The following FBXO30 variants were observed in gnomAD, a reference collection of about 807,000 sequenced individuals.
FBXO30 encodes the protein F-box only protein 30.
In FBXO30, 21 loss-of-function variants were observed where a neutral mutation model predicts 58.1. The ratio of observed to expected loss-of-function variants is 0.36; its 90% CI spans 0.26 to 0.52. FBXO30 has a LOEUF of 0.52. Among genes scored for constraint, FBXO30 ranks in the 20% least tolerant of loss-of-function variants. The probability of loss-of-function intolerance (pLI) is 0.93; values close to 1 mark genes in which losing one functional copy is unlikely to be tolerated. For missense variants in FBXO30, 744 were observed against 897.3 expected, an observed-to-expected ratio of 0.83 and a Z score of 2.18; for synonymous variants, 309 against 312.4, an observed-to-expected ratio of 0.99 and a Z score of 0.11.
chr6:145,804,316 CAGT>C, intron 2 of FBXO30, 53 bp downstream of exon 2: 1 of 1,381,918 alleles, frequency 7.2e-7, no homozygotes, highest in Non-Finnish European at 9.9e-7. Context: ...ATTAATTCAG[CAGT>C]ATTATTAAAG....
In FBXO30 at chr6:145,793,689, T is replaced by A. The variant is rs894242191; in HGVS notation, c.*6417A>T. The A allele has an allele frequency of 6.6e-6, 1 of 151,984 alleles. No homozygotes were observed. Among genetic ancestry groups the A allele is most frequent in the African/African-American group, 2.4e-5 (1 of 41,424 alleles). 9.4% of individuals were successfully genotyped at this position (151,984 alleles called of 1,614,324 possible). A position where few individuals can be genotyped will look rare whatever the true frequency, so the allele number is the denominator to read the frequency against. On this transcript the variant is annotated 3_prime_UTR_variant, in exon 3 of 3. Coordinates refer to ENST00000237281, the MANE Select transcript of FBXO30 (RefSeq NM_032145.5). ...TGTGCCACAAGGAATCATAATAAAT[T>A]TCAAAAGATAAAAAATAAACATTGA... is the stretch of plus-strand genomic sequence containing the variant.
rs1562245144 is a variant in FBXO30 at position 145,805,434 on chromosome 6, A to G, written c.972T>C (p.Thr324=). 6.2e-7 allele frequency: 1 copy of G among 1,613,832 alleles called. No homozygotes were observed. The highest frequency in any genetic ancestry group is 8.5e-7 in the Non-Finnish European group (1 of 1,179,866). The change falls in exon 2 of 3, where the codon ACT becomes ACC. Residue 324 remains threonine, a synonymous_variant. Transcript: ENST00000237281. ...CCGCAAGTGAGCTGGAAGGTTTTGA[A>G]GTGCCATCTGATGATGCCACACAGT... is the stretch of plus-strand genomic sequence containing the variant. The part of the protein sequence containing the change: ...NGDCVASSDG[T]SKPSSSLAVA...
At position 145,799,985 on chromosome 6, in the gene FBXO30, TTATA is replaced by T. The variant is rs561066504; in HGVS notation, c.*117_*120del. The T allele has an allele frequency of 4.0e-6, 3 of 750,908 alleles. No homozygotes were observed. The highest frequency in any genetic ancestry group is 6.4e-6 in the Non-Finnish European group (3 of 471,260). 46.5% of individuals were successfully genotyped at this position (750,908 alleles called of 1,614,324 possible). ...TAAAAATAGATGTCACTTCAAAACA[TTATA>T]TACACAGTGACAATAAATTTAGCTA... On this transcript the variant is annotated 3_prime_UTR_variant, in exon 3 of 3. Coordinates refer to ENST00000237281, the MANE Select transcript of FBXO30 (RefSeq NM_032145.5).
intron 2 of FBXO30, among the ~76,000 whole-genome samples, chr6:145,802,247 C>A (rs562833063): frequency 6.6e-6 from 1 of 152,180 alleles, no homozygotes; most frequent in East Asian, 1.9e-4. Context: ...GGAGGTAAAA[C>A]CTGAAGAGTA....
At chr6:145,808,591 A>G (rs1458919921) in intron 1 of FBXO30, among the ~76,000 whole-genome samples, 1 of 152,072 alleles carries the variant, frequency 6.6e-6, no homozygotes, top group South Asian at 2.1e-4. Flanking sequence ...AAAAGTTTCA[A>G]TTACCATACA....
chr6:145,808,571 C>A (rs183383571), intron 1 of FBXO30, among the ~76,000 whole-genome samples: 10 of 152,266 alleles, frequency 6.6e-5, no homozygotes, highest in African/African-American at 1.9e-4. Context: ...TGGGTGCTCT[C>A]ATTTTCTCCA....
chr6:145,805,124 C>T lies in FBXO30; in HGVS notation c.1282G>A (p.Ala428Thr). 6.2e-7 allele frequency: 1 copy of T among 1,614,106 alleles called. No homozygotes were observed. The highest frequency in any genetic ancestry group is 8.5e-7 in the Non-Finnish European group (1 of 1,179,956). The change falls in exon 2 of 3, where the codon GCA (alanine) becomes ACA (threonine). Residue 428 changes from alanine (A) to threonine (T), a missense_variant. Physicochemically the swap from Ala to Thr is moderately conservative, Grantham distance 58 (BLOSUM62 0). Coordinates refer to ENST00000237281, the MANE Select transcript of FBXO30 (RefSeq NM_032145.5). ...MGLQGIDLITAALLFCLGDSP... is the reference protein window; with the variant it reads ...MGLQGIDLITTALLFCLGDSP... ...TCTCCTAGACAAAAAAGCAATGCTGCTGTGATCAGATCTATTCCTTGGAGG... is the reference window on the plus strand; with the variant it reads ...TCTCCTAGACAAAAAAGCAATGCTGTTGTGATCAGATCTATTCCTTGGAGG...
Position 145,798,184 on chromosome 6 carries a change from T to C in FBXO30, c.*1922A>G, listed in dbSNP as rs1446545822. On this transcript the variant is annotated 3_prime_UTR_variant, in exon 3 of 3. Transcript: ENST00000237281. The stretch of plus-strand genomic sequence containing the variant: ...TATTTAAATGAACGTTTTTAAGTTA[T>C]TGAGCCATGTTAAGGGAAAACATTA... 3 of 152,064 alleles carry C rather than the reference T, an allele frequency of 2.0e-5. No homozygotes were observed. The highest frequency in any genetic ancestry group is 7.2e-5 in the African/African-American group (3 of 41,432). 9.4% of individuals were successfully genotyped at this position (152,064 alleles called of 1,614,324 possible).
rs1777945864 is a variant in FBXO30, at chr6:145,799,966, T to C, written c.*140A>G. On this transcript the variant is annotated 3_prime_UTR_variant, in exon 3 of 3. Coordinates refer to ENST00000237281, the MANE Select transcript of FBXO30 (RefSeq NM_032145.5). The stretch of plus-strand genomic sequence containing the variant: ...CCAACTAAACAGTACTTTATAAAAA[T>C]AGATGTCACTTCAAAACATTATATA... 6 of 658,196 alleles carry C rather than the reference T, an allele frequency of 9.1e-6. No individual in the cohort carries two copies. In the East Asian group the frequency reaches 1.8e-4, roughly 19 times the overall value. 40.8% of individuals were successfully genotyped at this position (658,196 alleles called of 1,614,324 possible). A position where few individuals can be genotyped will look rare whatever the true frequency, so the allele number is the denominator to read the frequency against.
At chr6:145,814,353 C>A (rs1407336483) in intron 1 of FBXO30, among the ~76,000 whole-genome samples, 1 of 152,192 alleles carries the variant, frequency 6.6e-6, no homozygotes, top group East Asian at 1.9e-4. Flanking sequence ...CAACGGCTGG[C>A]CCGGCATGCG....
In FBXO30 at chr6:145,801,333, G is replaced by A. The variant is rs534940860; in HGVS notation, c.2035-1024C>T. Among the ~76,000 whole-genome samples, 24 of 152,172 alleles carry A rather than the reference G, an allele frequency of 1.6e-4. 1 individual carries two copies. Among genetic ancestry groups the A allele is most frequent in the Non-Finnish European group, 2.4e-4 (16 of 67,988 alleles). Reference sequence around the variant, plus strand: ...CCGTAGGCAGCATGTGGCCCAGGACGGCTCTGAATGCAGTCCAACACAAAT... The same window carrying A: ...CCGTAGGCAGCATGTGGCCCAGGACAGCTCTGAATGCAGTCCAACACAAAT... On this transcript the variant is annotated intron_variant, in intron 2 of 2. Coordinates refer to ENST00000237281, the MANE Select transcript of FBXO30 (RefSeq NM_032145.5).
Position 145,806,364 on chromosome 6 carries a change from G to A in FBXO30, c.42C>T (p.Val14=). ...ELQHSHCVNC[V]SRRCMTRPEP... The stretch of plus-strand genomic sequence containing the variant: ...CTGGCCTGGTCATGCACCGTCTACT[G>A]ACACAATTCACACAATGGGAATGCT... Residue 14 remains valine (V), a synonymous_variant, in exon 2 of 3, where the codon GTC becomes GTT. Coordinates refer to ENST00000237281, the MANE Select transcript of FBXO30 (RefSeq NM_032145.5). The A allele has an allele frequency of 6.2e-7, 1 of 1,613,772 alleles. No homozygotes were observed. Among genetic ancestry groups the A allele is most frequent in the Non-Finnish European group, 8.5e-7 (1 of 1,179,928 alleles).
rs1415463670 is a variant in FBXO30, at chr6:145,800,255, T to G, written c.2089A>C (p.Ile697Leu). The change falls in exon 3 of 3, where the codon ATC (isoleucine) becomes CTC (leucine). Residue 697 changes from isoleucine to leucine, a missense_variant. Physicochemically the swap from Ile to Leu is conservative, Grantham distance 5. Transcript: ENST00000237281. ...TTCAAGTGGTCTGCCATGCTTAGGA[T>G]GTCAGCAAATTTCCATTCATTAACA... ...CSVNEWKFAD[I>L]LSMADHLKKC... 1 of 1,613,006 alleles carries G rather than the reference T, an allele frequency of 6.2e-7. No homozygotes were observed. Among genetic ancestry groups the G allele is most frequent in the East Asian group, 2.2e-5 (1 of 44,834 alleles).
chr6:145,803,221 G>C (rs892236517), intron 2 of FBXO30, among the ~76,000 whole-genome samples: 9 of 151,970 alleles, frequency 5.9e-5, no homozygotes, highest in African/African-American at 2.2e-4. Context: ...GATAAAAAGA[G>C]GCCATACTAA....
intron 1 of FBXO30, 80 bp from the exon 2 acceptor site, chr6:145,806,501 T>A: frequency 1.0e-6 from 1 of 984,950 alleles, no homozygotes; most frequent in Non-Finnish European, 1.5e-6. Context: ...ATTAAATCAC[T>A]AATTTATCTA....
chr6:145,796,089 A>G lies in FBXO30; in HGVS notation c.*4017T>C, dbSNP rs900939777. ...GTGAAAAAGTGATCTATGTAAGGAC[A>G]TAATTCTCTCTCAAATATCCCAGTA... is the stretch of plus-strand genomic sequence containing the variant. On this transcript the variant is annotated 3_prime_UTR_variant, in exon 3 of 3. Transcript: ENST00000237281. 19 of 151,988 alleles carry G rather than the reference A, an allele frequency of 1.3e-4. No homozygotes were observed. Among genetic ancestry groups the G allele is most frequent in the Non-Finnish European group, 2.1e-4 (14 of 67,892 alleles). 9.4% of individuals were successfully genotyped at this position (151,988 alleles called of 1,614,324 possible). A position where few individuals can be genotyped will look rare whatever the true frequency, so the allele number is the denominator to read the frequency against.
At position 145,793,506 on chromosome 6, in the gene FBXO30, C is replaced by T. The variant is rs368627618; in HGVS notation, c.*6600G>A. On this transcript the variant is annotated 3_prime_UTR_variant, in exon 3 of 3. Transcript: ENST00000237281. ...CAATACAAAAGCATAAAAATGTACA[C>T]ATCAGTACAATTTATTTAGTCTTAC... 1 of 152,072 alleles carries T rather than the reference C, an allele frequency of 6.6e-6. No individual in the cohort carries two copies. Among genetic ancestry groups the T allele is most frequent in the Non-Finnish European group, 1.5e-5 (1 of 67,924 alleles). The allele number at this position is 152,072 out of a possible 1,614,324, so 9.4% of individuals were successfully genotyped here.
At position 145,805,721 on chromosome 6, in the gene FBXO30, C is replaced by G; in HGVS notation, c.685G>C (p.Glu229Gln). ...DEQQNARESL[E>Q]DQNLKDQDHL... Reference sequence around the variant, plus strand: ...TCTTGGTCTTTCAAGTTTTGATCCTCTAAGCTTTCTCTCGCATTTTGCTGT... The same window carrying G: ...TCTTGGTCTTTCAAGTTTTGATCCTGTAAGCTTTCTCTCGCATTTTGCTGT... The change falls in exon 2 of 3, where the codon GAG (glutamate) becomes CAG (glutamine). Residue 229 changes from glutamate (E) to glutamine (Q), a missense_variant. Glu to Gln is a conservative substitution (Grantham distance 29, BLOSUM62 2). This residue lies in a region of FBXO30 where 275 missense variants were observed against 262.0 expected (regional missense o/e 1.05). Coordinates refer to ENST00000237281, the MANE Select transcript of FBXO30 (RefSeq NM_032145.5). 1 of 1,614,068 alleles carries G rather than the reference C, an allele frequency of 6.2e-7. No individual in the cohort carries two copies. The highest frequency in any genetic ancestry group is 1.1e-5 in the South Asian group (1 of 91,078).
At chr6:145,811,332 C>T (rs1174246694) in intron 1 of FBXO30, among the ~76,000 whole-genome samples, 1 of 151,992 alleles carries the variant, frequency 6.6e-6, no homozygotes, top group East Asian at 1.9e-4. Flanking sequence ...TTGTATTGGC[C>T]ATAAAAAGTC....
Sources: gnomAD v4.1 joint callset for allele counts (sites outside exome capture counted in the v4.1 genomes callset) on GRCh38, gnomAD v4.1.1 for gene constraint, gnomAD v4.1.1 regional missense constraint, MANE v1.5 for transcripts, NCBI Gene and HGNC (gene_info 2026-07-23, HGNC 2026-07-21) for gene names.